RP1: variants seen among roughly 807,000 people sequenced by gnomAD.
The protein encoded by RP1 is RP1 axonemal microtubule associated.
In RP1, 16 loss-of-function variants were observed where a neutral mutation model predicts 14.8. The observed-to-expected ratio is 1.08, with a 90% CI of 0.73 to 1.65. The LOEUF is 1.65. Among genes scored for constraint, RP1 ranks in the 40% most tolerant of loss-of-function variants. The pLI is 0.00. For synonymous variants in RP1, 876 were observed against 883.6 expected, an observed-to-expected ratio of 0.99 and a Z score of 0.15; for missense variants, 2,631 against 2,535.0, an observed-to-expected ratio of 1.04 and a Z score of -0.81.
At chr8:54,840,566 C>A (rs2129404318) in intron 25 of RP1, among the ~76,000 whole-genome samples, 1 of 148,140 alleles carries the variant, frequency 6.8e-6, no homozygotes, top group South Asian at 2.1e-4. Flanking sequence ...TTTCAGTTAC[C>A]TCTATCGGAG....
chr8:54,655,847 G>T (rs1806743518), intron 5 of RP1, among the ~76,000 whole-genome samples: 1 of 143,200 alleles, frequency 7.0e-6, no homozygotes, highest in African/African-American at 2.6e-5. Context: ...GCAAGACTTT[G>T]TCTCAAATAA....
chr8:54,689,106 G>A (rs189508479), intron 12 of RP1, among the ~76,000 whole-genome samples: 2 of 151,918 alleles, frequency 1.3e-5, no homozygotes, highest in Non-Finnish European at 2.9e-5. Context: ...TGATTTGGCT[G>A]TCTCTTTGTC....
intron 17 of RP1, among the ~76,000 whole-genome samples, chr8:54,733,592 C>T (rs1224318319): frequency 6.6e-6 from 1 of 151,974 alleles, no homozygotes; most frequent in Non-Finnish European, 1.5e-5. Flanking sequence ...TAAGTGCTGC[C>T]GAGGGCTGCC....
At chr8:54,870,501 T>TGTTCCCAGTGCACGTCCTGTGG (rs1812564527) in exon 29 of RP1, 1 of 152,198 alleles carries the variant, frequency 6.6e-6, no homozygotes, top group African/African-American at 2.4e-5. Flanking sequence ...GGTTACTGTG[T>TGTTCCCAGTGCACGTCCTGTGG]GTTCCCAGTG....
chr8:54,702,434 A>G (rs778904359), intron 14 of RP1, among the ~76,000 whole-genome samples: 1 of 152,194 alleles, frequency 6.6e-6, no homozygotes, highest in Non-Finnish European at 1.5e-5. Context: ...ACTGTAGTCT[A>G]TTAAGTGTAC....
At chr8:54,804,622 A>G (rs1810801750) in intron 24 of RP1, among the ~76,000 whole-genome samples, 1 of 151,792 alleles carries the variant, frequency 6.6e-6, no homozygotes, top group African/African-American at 2.4e-5. Flanking sequence ...AATTCTGACA[A>G]CAAAAAAACA....
At chr8:54,754,330 T>A (rs907952996) in intron 19 of RP1, among the ~76,000 whole-genome samples, 5 of 131,746 alleles carry the variant, frequency 3.8e-5, no homozygotes, top group African/African-American at 1.6e-4. Context: ...TTTCGAGTTC[T>A]CTTAGATTGT....
intron 24 of RP1, among the ~76,000 whole-genome samples, chr8:54,804,947 G>A (rs1316436816): frequency 1.3e-5 from 2 of 152,140 alleles, no homozygotes; most frequent in Non-Finnish European, 2.9e-5. Context: ...AATTTGGGTG[G>A]CAATATAAAT....
At chr8:54,690,859 A>G (rs1807693515) in intron 12 of RP1, among the ~76,000 whole-genome samples, 1 of 152,030 alleles carries the variant, frequency 6.6e-6, no homozygotes, top group South Asian at 2.1e-4. Flanking sequence ...TTTACTCTAG[A>G]AGTTGTAAAA....
chr8:54,695,050 T>C (rs1336382192), intron 12 of RP1, among the ~76,000 whole-genome samples: 5 of 152,180 alleles, frequency 3.3e-5, no homozygotes, highest in Non-Finnish European at 7.3e-5. Flanking sequence ...AAAGAACATG[T>C]TTATTTCTGC....
intron 19 of RP1, among the ~76,000 whole-genome samples, chr8:54,751,979 G>T (rs1344496090): frequency 1.3e-5 from 2 of 152,122 alleles, no homozygotes; most frequent in African/African-American, 2.4e-5. Context: ...GGATGGCGGG[G>T]CCTCAGAAAC....
intron 25 of RP1, among the ~76,000 whole-genome samples, chr8:54,848,139 G>T (rs1205099989): frequency 1.3e-5 from 2 of 152,130 alleles, no homozygotes; most frequent in African/African-American, 2.4e-5. Context: ...CCTCACCTAT[G>T]TGTGGGCTCA....
Position 54,858,774 on chromosome 8 carries a change from C to A in RP1, c.4069+1668C>A, listed in dbSNP as rs562740431. 2.0e-5 allele frequency among the ~76,000 whole-genome samples: 3 copies of A among 151,794 alleles called. No homozygotes were observed. In the South Asian group the frequency reaches 6.3e-4, roughly 32 times the overall value. ...CAGCAATGTTACTATAGAGTGATGT[C>A]ACGGTGGAATGTTCTCACTGTAGAG... On this transcript the variant is annotated intron_variant, in intron 27 of 28. Coordinates refer to the RP1 transcript ENST00000637698.
chr8:54,795,832 C>A (rs1195482887), intron 24 of RP1, among the ~76,000 whole-genome samples: 3 of 152,124 alleles, frequency 2.0e-5, no homozygotes, highest in African/African-American at 7.2e-5. Context: ...CTTCAACCTG[C>A]CAACAGGCTT....
chr8:54,624,705 A>T lies in RP1; in HGVS notation c.823A>T (p.Ile275Phe). The part of the protein sequence containing the change: ...THMSSSSRSQ[I>F]YSVSSEKTHN... ...TATGTCTTCAAGCTCAAGGTCCCAGATTTATTCTGTTTCTTCTGAGAAAAC... is the reference window on the plus strand; with the variant it reads ...TATGTCTTCAAGCTCAAGGTCCCAGTTTTATTCTGTTTCTTCTGAGAAAAC... The change falls in exon 4 of 4, where the codon ATT becomes TTT. Residue 275 changes from isoleucine (I) to phenylalanine (F), a missense_variant. Ile to Phe is a conservative substitution (Grantham distance 21). Coordinates refer to ENST00000220676, the MANE Select transcript of RP1 (RefSeq NM_006269.2). 1.2e-6 allele frequency: 2 copies of T among 1,613,972 alleles called. No homozygotes were observed. Among genetic ancestry groups the T allele is most frequent in the Non-Finnish European group, 1.7e-6 (2 of 1,179,958 alleles).
intron 26 of RP1, chr8:54,852,802 A>C: frequency 1.8e-6 from 2 of 1,123,460 alleles, no homozygotes; most frequent in Non-Finnish European, 1.1e-6. Context: ...ACACACACAA[A>C]CAGAAAATTT....
intron 27 of RP1, among the ~76,000 whole-genome samples, chr8:54,864,852 C>T (rs1169728000): frequency 2.0e-5 from 3 of 152,154 alleles, no homozygotes; most frequent in African/African-American, 4.8e-5. Flanking sequence ...TTATCATCCA[C>T]ATGAATTTTA....
Position 54,626,272 on chromosome 8 carries a change from A to G in RP1, c.2390A>G (p.Gln797Arg). ...LGAPKKREIG[Q>R]RDKVFPHNES... ...GCACCTAAAAAAAGAGAAATCGGTC[A>G]AAGAGATAAAGTGTTTCCTCACAAT... Residue 797 changes from glutamine (Q) to arginine (R), a missense_variant, in exon 4 of 4, where the codon CAA (glutamine) becomes CGA (arginine). Physicochemically the swap from Gln to Arg is conservative, Grantham distance 43. Coordinates refer to ENST00000220676, the MANE Select transcript of RP1 (RefSeq NM_006269.2). 1.2e-6 allele frequency: 2 copies of G among 1,613,538 alleles called. No homozygotes were observed. The highest frequency in any genetic ancestry group is 1.7e-6 in the Non-Finnish European group (2 of 1,179,700).
chr8:54,852,811 T>A, intron 26 of RP1: 1 of 1,017,288 alleles, frequency 9.8e-7, no homozygotes, highest in Non-Finnish European at 1.3e-6. Flanking sequence ...AACAGAAAAT[T>A]TCTGAGATGC....
Sources: allele counts gnomAD v4.1 joint callset (sites outside exome capture counted in the v4.1 genomes callset), GRCh38; gene constraint gnomAD v4.1.1; transcripts MANE v1.5; gene names NCBI Gene and HGNC (gene_info 2026-07-23, HGNC 2026-07-21).